Variants in RASGRP3 observed in about 807,000 individuals in gnomAD.
The protein encoded by RASGRP3 is RAS guanyl releasing protein 3.
A neutral mutation model predicts 82.7 loss-of-function variants in RASGRP3; 54 were observed. The ratio of observed to expected loss-of-function variants is 0.65; its 90% CI spans 0.52 to 0.82. RASGRP3 has a LOEUF of 0.82. Ranked by LOEUF, RASGRP3 falls within the 40% of genes least tolerant of loss-of-function variation. RASGRP3 has a pLI of 0.00. For missense variants in RASGRP3, 861 were observed against 828.9 expected (o/e 1.04, Z -0.48); for synonymous variants, 309 against 300.5 (o/e 1.03, Z -0.29).
intron 8 of RASGRP3, 119 bp downstream of exon 8, chr2:33,524,171 G>A (rs550998226): frequency 3.4e-5 from 40 of 1,187,338 alleles, no homozygotes; most frequent in Middle Eastern, 2.0e-4. Context: ...TAAACTACTC[G>A]CTGATATCTA....
At chr2:33,479,540 T>C (rs1422428528) in intron 1 of RASGRP3, among the ~76,000 whole-genome samples, 2 of 152,158 alleles carry the variant, frequency 1.3e-5, no homozygotes, top group Non-Finnish European at 2.9e-5. Flanking sequence ...CCATGCACTC[T>C]GCCACTCTGC....
chr2:33,500,779 C>G (rs192853015), intron 1 of RASGRP3, among the ~76,000 whole-genome samples: 1 of 152,148 alleles, frequency 6.6e-6, no homozygotes, highest in South Asian at 2.1e-4. Context: ...AATAAAAATA[C>G]AAAAAGTAGC....
intron 1 of RASGRP3, among the ~76,000 whole-genome samples, chr2:33,485,062 G>A (rs1156882305): frequency 1.3e-5 from 2 of 152,208 alleles, no homozygotes; most frequent in Non-Finnish European, 2.9e-5. Flanking sequence ...GCCAAGTGTG[G>A]TGGTGCATGC....
Position 33,531,423 on chromosome 2 carries a change from G to C in RASGRP3, c.1084-2900G>C, listed in dbSNP as rs553903991. The stretch of plus-strand genomic sequence containing the variant: ...GATCTGAGAGAGGAAGTAGAATCGT[G>C]ACTGGGAAAGAAGAGATGCTAGGAG... On this transcript the variant is annotated intron_variant, in intron 10 of 17. Transcript: ENST00000403687. Among the ~76,000 whole-genome samples, 13 of 152,328 alleles carry C rather than the reference G, an allele frequency of 8.5e-5. No homozygotes were observed. In the South Asian group the frequency reaches 2.5e-3, roughly 29 times the overall value.
chr2:33,517,932 T>C (rs1301382347), intron 4 of RASGRP3, among the ~76,000 whole-genome samples: 3 of 152,214 alleles, frequency 2.0e-5, no homozygotes, highest in Non-Finnish European at 4.4e-5. Context: ...GCTCATGCTA[T>C]ATCCACAGTG....
intron 1 of RASGRP3, among the ~76,000 whole-genome samples, chr2:33,499,773 A>AG (rs1553344704): frequency 2.1e-4 from 29 of 135,682 alleles, no homozygotes; most frequent in African/African-American, 4.5e-4. Context: ...CAAAAAAAAA[A>AG]AGAGAGGATA....
intron 13 of RASGRP3, among the ~76,000 whole-genome samples, chr2:33,547,342 C>CTCTTTTTTTTT (rs1674884513): frequency 1.5e-5 from 1 of 68,178 alleles, no homozygotes; most frequent in Non-Finnish European, 2.6e-5. Flanking sequence ...ATATAGAATC[C>CTCTTTTTTTTT]TTTTTTTTTT....
chr2:33,459,149 T>A (rs1666209887), intron 2 of RASGRP3, among the ~76,000 whole-genome samples: 1 of 152,076 alleles, frequency 6.6e-6, no homozygotes, highest in Non-Finnish European at 1.5e-5. Flanking sequence ...TTTTTTGAGA[T>A]GGAGTCTCGC....
At chr2:33,551,421 G>A (rs532118968) in intron 14 of RASGRP3, among the ~76,000 whole-genome samples, 106 of 152,312 alleles carry the variant, frequency 7.0e-4, no homozygotes, top group African/African-American at 2.4e-3. Flanking sequence ...TGCATAACAC[G>A]CTCCTACAGA....
rs371539170 is a variant in RASGRP3, at chr2:33,489,333, A to G, written c.-261+12626A>G. ...GTCTGCTGCTGAGCAGTAAGTGATG[A>G]TGGCCTAATACACTTGCAGAAATAC... is the stretch of plus-strand genomic sequence containing the variant. On this transcript the variant is annotated intron_variant, in intron 1 of 17. Transcript: ENST00000403687. 8.5e-5 allele frequency among the ~76,000 whole-genome samples: 13 copies of G among 152,300 alleles called. No individual in the cohort carries two copies. The East Asian group carries it at 2.5e-3, about 29-fold the overall frequency.
Position 33,558,913 on chromosome 2 carries a change from C to T in RASGRP3, c.1947C>T (p.Gly649=). 1.2e-6 allele frequency: 2 copies of T among 1,614,022 alleles called. No homozygotes were observed. The highest frequency in any genetic ancestry group is 1.7e-6 in the Non-Finnish European group (2 of 1,179,904). ...ATGACAAAGCAGCAAAGGACAAAGG[C>T]TTTGCCAAATGGGAAAATGAGAAGC... ...KFHDKAAKDK[G]FAKWENEKPR... is the part of the protein sequence containing the mutation. The change falls in exon 17 of 18, where the codon GGC becomes GGT. Residue 649 remains glycine (G), a synonymous_variant. Coordinates refer to ENST00000403687, the MANE Select transcript of RASGRP3 (RefSeq NM_001139488.2).
At chr2:33,516,775 A>G in intron 4 of RASGRP3, 131 bp downstream of exon 4, 2 of 633,762 alleles carry the variant, frequency 3.2e-6, no homozygotes, top group East Asian at 5.7e-5. Context: ...TTGTGAATAT[A>G]TATAGATGTC....
At chr2:33,463,421 AAGAC>A (rs911426100) in intron 2 of RASGRP3, among the ~76,000 whole-genome samples, 2 of 152,140 alleles carry the variant, frequency 1.3e-5, no homozygotes, top group African/African-American at 2.4e-5. Context: ...GAAGAGATAA[AAGAC>A]AGGGAAAAGA....
At chr2:33,478,344 C>T (rs935845874) in intron 1 of RASGRP3, among the ~76,000 whole-genome samples, 24 of 152,144 alleles carry the variant, frequency 1.6e-4, no homozygotes, top group African/African-American at 5.1e-4. Flanking sequence ...GGTCAGCCCG[C>T]GGCCATGTGG....
At chr2:33,470,254 C>T (rs1336063140) in intron 2 of RASGRP3, among the ~76,000 whole-genome samples, 2 of 152,084 alleles carry the variant, frequency 1.3e-5, no homozygotes, top group Admixed American at 6.5e-5. Context: ...CTTTCCAATA[C>T]AGAAATGTAT....
chr2:33,538,991 A>G lies in RASGRP3; in HGVS notation c.1162-103A>G. The stretch of plus-strand genomic sequence containing the variant: ...GAGGCAGAAATTGTAGTGAGCCGAA[A>G]TTACACCACTGCACTCCAGCCTGGG... On this transcript the variant is annotated intron_variant, in intron 11 of 17. Transcript: ENST00000403687. 4 of 781,650 alleles carry G rather than the reference A, an allele frequency of 5.1e-6. 1 individual carries two copies. The highest frequency in any genetic ancestry group is 8.2e-6 in the Non-Finnish European group (4 of 486,174). The allele number at this position is 781,650 out of a possible 1,614,324, so 48.4% of individuals were successfully genotyped here.
chr2:33,495,580 T>C (rs895967416), intron 1 of RASGRP3, among the ~76,000 whole-genome samples: 1 of 151,736 alleles, frequency 6.6e-6, no homozygotes, highest in Non-Finnish European at 1.5e-5. Context: ...ATGTAATGAG[T>C]GAAATGAATT....
At chr2:33,488,768 G>T (rs958405093) in intron 1 of RASGRP3, among the ~76,000 whole-genome samples, 4 of 152,208 alleles carry the variant, frequency 2.6e-5, no homozygotes, top group Non-Finnish European at 5.9e-5. Flanking sequence ...AAATCTTGCT[G>T]ATTGGTTCAA....
intron 1 of RASGRP3, among the ~76,000 whole-genome samples, chr2:33,444,593 T>C (rs1183941632): frequency 6.6e-6 from 1 of 152,164 alleles, no homozygotes; most frequent in Non-Finnish European, 1.5e-5. Context: ...ATTTAGACTA[T>C]GAGATATTGC....
Sources: gnomAD v4.1 joint callset for allele counts (sites outside exome capture counted in the v4.1 genomes callset) on GRCh38, gnomAD v4.1.1 for gene constraint, MANE v1.5 for transcripts, NCBI Gene and HGNC (gene_info 2026-07-23, HGNC 2026-07-21) for gene names.